KY: variants seen among roughly 807,000 people sequenced by gnomAD.
KY encodes the protein kyphoscoliosis peptidase.
A neutral mutation model predicts 76.1 loss-of-function variants in KY; 43 were observed. That is an observed-to-expected ratio of 0.57 (90% CI 0.44 to 0.73). KY has a LOEUF of 0.73. Among genes scored for constraint, KY ranks in the 30% least tolerant of loss-of-function variants. The pLI, the probability that KY is intolerant of heterozygous loss-of-function variation, is 0.00. For missense variants in KY, 722 were observed against 828.9 expected (o/e 0.87, Z 1.58); for synonymous variants, 277 against 326.2 (o/e 0.85, Z 1.63).
At position 134,600,802 on chromosome 3, in the gene KY, T is replaced by A. The variant is rs1242013496; in HGVS notation, c.*2777A>T. 6.6e-6 allele frequency: 1 copy of A among 152,298 alleles called. No individual in the cohort carries two copies. Among genetic ancestry groups the A allele is most frequent in the Non-Finnish European group, 1.5e-5 (1 of 68,090 alleles). The allele number at this position is 152,298 out of a possible 1,614,324, so 9.4% of individuals were successfully genotyped here. On this transcript the variant is annotated 3_prime_UTR_variant, in exon 11 of 11. Coordinates refer to ENST00000423778, the MANE Select transcript of KY (RefSeq NM_178554.6). ...AAACAGTCCCATCACATCCCTTGTCTTTTCAACACACCAGGTTGTCCCCCA... is the reference window on the plus strand; with the variant it reads ...AAACAGTCCCATCACATCCCTTGTCATTTCAACACACCAGGTTGTCCCCCA...
At chr3:134,614,295 A>T (rs1254527272) in intron 8 of KY, among the ~76,000 whole-genome samples, 1 of 152,174 alleles carries the variant, frequency 6.6e-6, no homozygotes, top group African/African-American at 2.4e-5. Context: ...AGATTTATTT[A>T]ATGACCTCAG....
chr3:134,610,155 C>G (rs754855903), intron 9 of KY, 40 bp downstream of exon 9: 1 of 1,581,840 alleles, frequency 6.3e-7, no homozygotes, highest in Admixed American at 1.7e-5. Context: ...CCTCCACTTC[C>G]ACCTGCCAGA....
At chr3:134,642,053 G>A (rs1183860401) in intron 3 of KY, among the ~76,000 whole-genome samples, 1 of 152,172 alleles carries the variant, frequency 6.6e-6, no homozygotes, top group East Asian at 1.9e-4. Flanking sequence ...GGCCCACAGA[G>A]GTCTCTAAGG....
Position 134,603,416 on chromosome 3 carries a change from C to T in KY, c.*163G>A, listed in dbSNP as rs970990247. 2 of 644,186 alleles carry T rather than the reference C, an allele frequency of 3.1e-6. No homozygotes were observed. The allele number at this position is 644,186 out of a possible 1,614,324, so 39.9% of individuals were successfully genotyped here. On this transcript the variant is annotated 3_prime_UTR_variant, in exon 11 of 11. Transcript: ENST00000423778. The stretch of plus-strand genomic sequence containing the variant: ...ACACCTGAGTGAAGCCTTCAGAACA[C>T]AAAGATCACAGCTCCTGTGGCAGAG...
At chr3:134,608,411 A>T in intron 10 of KY, 1 of 1,480,340 alleles carries the variant, frequency 6.8e-7, no homozygotes. Flanking sequence ...GGTTTATGCT[A>T]GTGTGAGTGA....
chr3:134,604,582 G>A, intron 10 of KY, 108 bp from the exon 11 acceptor site: 1 of 933,864 alleles, frequency 1.1e-6, no homozygotes, highest in Non-Finnish European at 1.6e-6. Context: ...GACTTATAGA[G>A]CTTGTCTATT....
chr3:134,619,167 G>T lies in KY; in HGVS notation c.691C>A (p.Leu231Ile). Residue 231 changes from leucine (L) to isoleucine (I), a missense_variant, in exon 8 of 11, where the codon CTC becomes ATC. Coordinates refer to ENST00000423778, the MANE Select transcript of KY (RefSeq NM_178554.6). ...QKTNCDGYAG[L>I]FERMCRLAGV... is the part of the protein sequence containing the mutation. Reference sequence around the variant, plus strand: ...TCGTACCTGCACATTCTCTCGAAGAGGCCAGCATAGCCATCACAGTTGGTC... The same window carrying T: ...TCGTACCTGCACATTCTCTCGAAGATGCCAGCATAGCCATCACAGTTGGTC... 6.2e-7 allele frequency: 1 copy of T among 1,613,870 alleles called. No individual in the cohort carries two copies. Among genetic ancestry groups the T allele is most frequent in the Non-Finnish European group, 8.5e-7 (1 of 1,179,806 alleles).
At chr3:134,631,348 A>G (rs1964202228) in intron 3 of KY, among the ~76,000 whole-genome samples, 3 of 152,212 alleles carry the variant, frequency 2.0e-5, no homozygotes. Context: ...AAGCCAAGAG[A>G]ATTTGGTACC....
In KY at chr3:134,639,047, C is replaced by CTT. The variant is rs5852788; in HGVS notation, c.262+4267_262+4268dup. On this transcript the variant is annotated intron_variant, in intron 3 of 10. Transcript: ENST00000423778. Reference sequence around the variant, plus strand: ...TATAACAGGTTGGCACATTTACAGCCTTTTTTTTTTTTCTACTTTGGAGTT... The same window carrying CTT: ...TATAACAGGTTGGCACATTTACAGCCTTTTTTTTTTTTTTCTACTTTGGAGTT... Among the ~76,000 whole-genome samples, 102 of 135,766 alleles carry CTT rather than the reference C, an allele frequency of 7.5e-4. 1 individual carries two copies. Among genetic ancestry groups the CTT allele is most frequent in the Admixed American group, 1.3e-3 (18 of 13,412 alleles). The allele number at this position is 135,766 out of a possible 152,430, so 89.1% of individuals were successfully genotyped here. A position where few individuals can be genotyped will look rare whatever the true frequency, so the allele number is the denominator to read the frequency against.
At chr3:134,604,873 C>T (rs1959147857) in intron 10 of KY, among the ~76,000 whole-genome samples, 2 of 152,236 alleles carry the variant, frequency 1.3e-5, no homozygotes. Context: ...TCAGGTCTAG[C>T]TTGCACCTTG....
chr3:134,639,307 G>A (rs569635638), intron 3 of KY, among the ~76,000 whole-genome samples: 1 of 152,052 alleles, frequency 6.6e-6, no homozygotes, highest in Non-Finnish European at 1.5e-5. Context: ...CCACCCTTAG[G>A]GGGTACTGCC....
intron 8 of KY, among the ~76,000 whole-genome samples, chr3:134,613,827 C>T (rs531562642): frequency 2.6e-5 from 4 of 152,238 alleles, no homozygotes; most frequent in Non-Finnish European, 4.4e-5. Context: ...ATGTATAAGA[C>T]GATGATTGTG....
chr3:134,625,251 A>C (rs2107868059), intron 5 of KY, 116 bp from the exon 6 acceptor site: 66 of 793,014 alleles, frequency 8.3e-5, no homozygotes, highest in Non-Finnish European at 8.5e-5. Context: ...CACAATTCTC[A>C]AAGCCTGAAA....
At position 134,603,526 on chromosome 3, in the gene KY, C is replaced by G. The variant is rs759510077; in HGVS notation, c.*53G>C. The G allele has an allele frequency of 6.6e-7, 1 of 1,504,106 alleles. No individual in the cohort carries two copies. Among genetic ancestry groups the G allele is most frequent in the African/African-American group, 1.4e-5 (1 of 71,634 alleles). The allele number at this position is 1,504,106 out of a possible 1,614,324, so 93.2% of individuals were successfully genotyped here. ...CTCCCTGCACTTCCTTCGAGCCCTC[C>G]CTGGGGAGGTCTGGCCTTGGCCCTT... On this transcript the variant is annotated 3_prime_UTR_variant, in exon 11 of 11. Transcript: ENST00000423778.
At position 134,603,819 on chromosome 3, in the gene KY, C is replaced by G. The variant is rs1959075112; in HGVS notation, c.1746G>C (p.Leu582=). 5 of 1,613,926 alleles carry G rather than the reference C, an allele frequency of 3.1e-6. No individual in the cohort carries two copies. The East Asian group carries it at 1.1e-4, about 36-fold the overall frequency. The change falls in exon 11 of 11, where the codon CTG becomes CTC. Residue 582 remains leucine, a synonymous_variant. Transcript: ENST00000423778. ...CAGGAAGCACACCTGACAGAGGTTC[C>G]AGCAGCTCATTGTCCTGTCCCCAGT... is the stretch of plus-strand genomic sequence containing the variant. ...FGNWGQDNEL[L]EPLSGVLPAN...
chr3:134,610,142 C>T (rs1960106763), intron 9 of KY, 53 bp downstream of exon 9: 1 of 1,557,638 alleles, frequency 6.4e-7, no homozygotes, highest in Non-Finnish European at 8.7e-7. Flanking sequence ...CTGCCTGGCA[C>T]ATCCTCCACT....
chr3:134,640,848 G>C (rs1965652830), intron 3 of KY, among the ~76,000 whole-genome samples: 1 of 152,114 alleles, frequency 6.6e-6, no homozygotes, highest in Admixed American at 6.5e-5. Flanking sequence ...TTATCACAAT[G>C]CCTCTTAAGG....
intron 7 of KY, 98 bp from the exon 8 acceptor site, chr3:134,619,363 G>A: frequency 8.1e-6 from 7 of 868,500 alleles, no homozygotes; most frequent in South Asian, 2.7e-5. Context: ...ACCAGCCCCA[G>A]GAAACTACAG....
Position 134,625,100 on chromosome 3 carries a change from A to C in KY, c.436T>G (p.Ser146Ala). ...PWDRSSLKSM[S>A]LDLQQFEKLD... is the part of the protein sequence containing the mutation. Reference sequence around the variant, plus strand: ...TTCTCAAACTGCTGCAGGTCCAGGGACATGGATTTCAGGCTAGATCGATCC... The same window carrying C: ...TTCTCAAACTGCTGCAGGTCCAGGGCCATGGATTTCAGGCTAGATCGATCC... Residue 146 changes from serine to alanine, a missense_variant, in exon 6 of 11, where the codon TCC becomes GCC. Ser to Ala is a moderately conservative substitution (Grantham distance 99). Transcript: ENST00000423778. 1 of 1,603,212 alleles carries C rather than the reference A, an allele frequency of 6.2e-7. No individual in the cohort carries two copies. Among genetic ancestry groups the C allele is most frequent in the Non-Finnish European group, 8.5e-7 (1 of 1,174,770 alleles).
Sources: gnomAD v4.1 joint callset for allele counts (sites outside exome capture counted in the v4.1 genomes callset) on GRCh38, gnomAD v4.1.1 for gene constraint, MANE v1.5 for transcripts, NCBI Gene and HGNC (gene_info 2026-07-23, HGNC 2026-07-21) for gene names.